Variants in PCDHA2 observed in about 807,000 individuals in gnomAD.
PCDHA2 encodes the protein protocadherin alpha 2, also known as protocadherin alpha-2.
In PCDHA2, 58 loss-of-function variants were observed where a neutral mutation model predicts 66.0. That is an observed-to-expected ratio of 0.88 (90% confidence interval 0.71 to 1.09). The LOEUF (loss-of-function observed/expected upper bound fraction) is 1.09. Ranked by LOEUF, PCDHA2 falls within the 50% of genes least tolerant of loss-of-function variation. PCDHA2 has a pLI of 0.00. For synonymous variants in PCDHA2, 634 were observed against 554.0 expected, an observed-to-expected ratio of 1.14 and a Z score of -2.03; for missense variants, 1,267 against 1,242.3, an observed-to-expected ratio of 1.02 and a Z score of -0.30.
chr5:140,827,381 C>A, intron 1 of PCDHA2, among the ~76,000 whole-genome samples: 1 of 152,258 alleles, frequency 6.6e-6, no homozygotes, highest in South Asian at 2.1e-4. Flanking sequence ...CTAATATAAG[C>A]TGCAGATAAA....
intron 1 of PCDHA2, chr5:140,834,491 C>T (rs2150219703): frequency 1.2e-6 from 2 of 1,614,110 alleles, no homozygotes; most frequent in South Asian, 1.1e-5. Context: ...ACTCGGTCCC[C>T]GAGGAGGCTA....
chr5:140,805,306 T>TC, intron 1 of PCDHA2: 1 of 1,274,934 alleles, frequency 7.8e-7, no homozygotes, highest in Non-Finnish European at 9.9e-7. Flanking sequence ...GAATTCTTCC[T>TC]CCTTTTTTCC....
At chr5:140,807,690 T>C in intron 1 of PCDHA2, 5 of 1,614,210 alleles carry the variant, frequency 3.1e-6, no homozygotes, top group Non-Finnish European at 4.2e-6. Flanking sequence ...AACGCCCTGC[T>C]CACTTACAGA....
chr5:140,833,779 T>C (rs1330843349), intron 1 of PCDHA2, among the ~76,000 whole-genome samples: 1 of 152,042 alleles, frequency 6.6e-6, no homozygotes, highest in Non-Finnish European at 1.5e-5. Flanking sequence ...GCTTTCTAAG[T>C]TTCTCTTTCA....
At chr5:140,974,808 G>A (rs1229375180) in intron 1 of PCDHA2, among the ~76,000 whole-genome samples, 1 of 152,090 alleles carries the variant, frequency 6.6e-6, no homozygotes, top group Non-Finnish European at 1.5e-5. Context: ...TATACTAGAA[G>A]ACCAATATGC....
At chr5:140,892,592 C>T (rs1053889046) in intron 1 of PCDHA2, among the ~76,000 whole-genome samples, 2 of 152,214 alleles carry the variant, frequency 1.3e-5, no homozygotes, top group Admixed American at 6.5e-5. Context: ...TATTCATTCA[C>T]CTATTTTTTT....
rs1019135464 is a variant in PCDHA2, at chr5:140,897,033, A to G, written c.2389-81916A>G. On this transcript the variant is annotated intron_variant, in intron 1 of 3. Transcript: ENST00000526136. ...TATACAACTAAATTATTTAGACCAT[A>G]GTCACCCTATTCTGCTGTCAAATAC... Among the ~76,000 whole-genome samples, 4 of 152,124 alleles carry G rather than the reference A, an allele frequency of 2.6e-5. No homozygotes were observed. The East Asian group carries it at 7.7e-4, about 29-fold the overall frequency.
chr5:140,827,867 C>G (rs1298214398), intron 1 of PCDHA2: 3 of 615,732 alleles, frequency 4.9e-6, no homozygotes, highest in Non-Finnish European at 8.5e-6. Flanking sequence ...TATGGTATAG[C>G]ACTGTTACGT....
Position 140,927,881 on chromosome 5 carries a change from T to C in PCDHA2, c.2389-51068T>C, listed in dbSNP as rs781982234. 10 of 1,613,978 alleles carry C rather than the reference T, an allele frequency of 6.2e-6. No homozygotes were observed. Among genetic ancestry groups the C allele is most frequent in the Non-Finnish European group, 8.5e-6 (10 of 1,180,010 alleles). Reference sequence around the variant, plus strand: ...AGCACCGCTAAACTGCTGGTGGAGGTGACTGACGTGAACGATCATGCCCCC... The same window carrying C: ...AGCACCGCTAAACTGCTGGTGGAGGCGACTGACGTGAACGATCATGCCCCC... On this transcript the variant is annotated intron_variant, in intron 1 of 3. Coordinates refer to ENST00000526136, the MANE Select transcript of PCDHA2 (RefSeq NM_018905.3).
intron 1 of PCDHA2, chr5:140,967,360 G>T: frequency 6.2e-7 from 1 of 1,607,656 alleles, no homozygotes. Flanking sequence ...TGGACCTTAA[G>T]CCCCTGCAGG....
intron 1 of PCDHA2, chr5:140,966,628 C>G (rs944715570): frequency 7.9e-5 from 76 of 964,108 alleles, no homozygotes; most frequent in Non-Finnish European, 1.0e-4. Flanking sequence ...GGGAGCGGCC[C>G]CAGGCGCTTT....
intron 1 of PCDHA2, among the ~76,000 whole-genome samples, chr5:140,911,457 A>G (rs1225259689): frequency 6.6e-6 from 1 of 152,144 alleles, no homozygotes; most frequent in Non-Finnish European, 1.5e-5. Flanking sequence ...CTCTTTCTCT[A>G]CAGGAGATAA....
intron 1 of PCDHA2, chr5:140,810,888 A>G (rs1764751688): frequency 6.6e-6 from 1 of 152,200 alleles, no homozygotes; most frequent in Non-Finnish European, 1.5e-5. Context: ...CCTATTTCAC[A>G]AAGATAATTT....
At chr5:140,854,909 G>T (rs1295662316) in intron 1 of PCDHA2, among the ~76,000 whole-genome samples, 1 of 149,376 alleles carries the variant, frequency 6.7e-6, no homozygotes, top group Non-Finnish European at 1.5e-5. Flanking sequence ...AATATAACAG[G>T]GTTGAAAGCA....
In PCDHA2 at chr5:140,795,689, T is replaced by C; in HGVS notation, c.725T>C (p.Phe242Ser). ...VLDVNDNEPT[F>S]AQSVYKVKLL... Reference sequence around the variant, plus strand: ...GATGTAAATGACAATGAACCAACTTTTGCCCAATCAGTTTACAAAGTAAAA... The same window carrying C: ...GATGTAAATGACAATGAACCAACTTCTGCCCAATCAGTTTACAAAGTAAAA... Residue 242 changes from phenylalanine (F) to serine (S), a missense_variant, in exon 1 of 4, where the codon TTT (phenylalanine) becomes TCT (serine). Phe to Ser is a radical substitution (Grantham distance 155, BLOSUM62 -2). Coordinates refer to ENST00000526136, the MANE Select transcript of PCDHA2 (RefSeq NM_018905.3). The C allele has an allele frequency of 6.2e-7, 1 of 1,614,156 alleles. No homozygotes were observed. Among genetic ancestry groups the C allele is most frequent in the Non-Finnish European group, 8.5e-7 (1 of 1,180,016 alleles).
At chr5:140,882,558 G>C (rs782792864) in intron 1 of PCDHA2, 3 of 1,614,130 alleles carry the variant, frequency 1.9e-6, no homozygotes, top group African/African-American at 1.3e-5. Flanking sequence ...GAGCTGTGTG[G>C]GCGGAGCGCG....
chr5:140,890,931 C>T (rs2062870447), intron 1 of PCDHA2, among the ~76,000 whole-genome samples: 1 of 152,090 alleles, frequency 6.6e-6, no homozygotes, highest in Admixed American at 6.6e-5. Context: ...TTCCTTTAGT[C>T]CAAAGATGCT....
chr5:140,986,834 C>T (rs2097214742), intron 3 of PCDHA2, among the ~76,000 whole-genome samples: 1 of 152,104 alleles, frequency 6.6e-6, no homozygotes. Context: ...CAATGGTTCT[C>T]AAAGGGGCAG....
intron 1 of PCDHA2, chr5:140,850,690 G>A: frequency 6.3e-7 from 1 of 1,598,402 alleles, no homozygotes; most frequent in Non-Finnish European, 8.6e-7. Context: ...GAGGGCGAGT[G>A]CGCGCCTGGC....
Sources: gnomAD v4.1 joint callset for allele counts (sites outside exome capture counted in the v4.1 genomes callset) on GRCh38, gnomAD v4.1.1 for gene constraint, MANE v1.5 for transcripts, NCBI Gene and HGNC (gene_info 2026-07-23, HGNC 2026-07-21) for gene names.